The following PPP2R3A variants were observed in gnomAD, a reference collection of about 807,000 sequenced individuals.
PPP2R3A encodes protein phosphatase 2 regulatory subunit B''alpha.
PPP2R3A carries 80 observed loss-of-function variants against 106.9 expected under a neutral mutation model. The ratio of observed to expected loss-of-function variants is 0.75; its 90% confidence interval spans 0.62 to 0.90. The LOEUF (loss-of-function observed/expected upper bound fraction) is 0.90. Among genes scored for constraint, PPP2R3A ranks in the 40% least tolerant of loss-of-function variants. PPP2R3A has a pLI of 0.00. For synonymous variants in PPP2R3A, 483 were observed against 468.3 expected, an observed-to-expected ratio of 1.03 and a Z score of -0.41; for missense variants, 1,386 against 1,350.4, an observed-to-expected ratio of 1.03 and a Z score of -0.41.
At chr3:136,050,583 G>T (rs1475339576) in intron 5 of PPP2R3A, among the ~76,000 whole-genome samples, 1 of 152,154 alleles carries the variant, frequency 6.6e-6, no homozygotes, top group Non-Finnish European at 1.5e-5. Flanking sequence ...CTTTGGTGAA[G>T]ATACCCATGG....
At position 136,070,568 on chromosome 3, in the gene PPP2R3A, T is replaced by G. The variant is rs1936398944; in HGVS notation, c.2544+16T>G. The G allele has an allele frequency of 6.3e-7, 1 of 1,589,634 alleles. No homozygotes were observed. Among genetic ancestry groups the G allele is most frequent in the South Asian group, 1.1e-5 (1 of 87,570 alleles). ...CATCACCACGGTAGGCTGAGTCATCTTTTTTCTTAATATAACTCCATAAGT... is the reference window on the plus strand; with the variant it reads ...CATCACCACGGTAGGCTGAGTCATCGTTTTTCTTAATATAACTCCATAAGT... On this transcript the variant is annotated intron_variant, in intron 6 of 13. Coordinates refer to ENST00000264977, the MANE Select transcript of PPP2R3A (RefSeq NM_002718.5).
intron 1 of PPP2R3A, among the ~76,000 whole-genome samples, chr3:135,983,930 A>T (rs896980577): frequency 6.6e-6 from 1 of 151,878 alleles, no homozygotes; most frequent in South Asian, 2.1e-4. Context: ...TGTAAATTTT[A>T]CTCCATTAAC....
intron 13 of PPP2R3A, among the ~76,000 whole-genome samples, chr3:136,136,072 A>AAAAT (rs1938608615): frequency 3.6e-5 from 1 of 27,670 alleles, no homozygotes; most frequent in Non-Finnish European, 1.7e-4. Flanking sequence ...AAAAAAAAAA[A>AAAAT]ATTATATATA....
intron 8 of PPP2R3A, among the ~76,000 whole-genome samples, chr3:136,082,746 ATATG>A (rs1002657916): frequency 6.6e-6 from 1 of 152,208 alleles, no homozygotes; most frequent in African/African-American, 2.4e-5. Context: ...TTGAAAGAGA[ATATG>A]TATACACCTT....
In PPP2R3A at chr3:136,002,263, G is replaced by T; in HGVS notation, c.765G>T (p.Lys255Asn). 1 of 1,613,694 alleles carries T rather than the reference G, an allele frequency of 6.2e-7. No homozygotes were observed. Among genetic ancestry groups the T allele is most frequent in the Non-Finnish European group, 8.5e-7 (1 of 1,179,878 alleles). Reference protein sequence around the residue: ...KCTDIIKQCIKKKSGSSISEG... With the variant: ...KCTDIIKQCINKKSGSSISEG... ...CAGACATCATAAAACAATGCATAAA[G>T]AAAAAATCAGGGAGTAGCATCAGTG... Residue 255 changes from lysine to asparagine, a missense_variant, in exon 2 of 14, where the codon AAG becomes AAT. Coordinates refer to ENST00000264977, the MANE Select transcript of PPP2R3A (RefSeq NM_002718.5).
intron 2 of PPP2R3A, among the ~76,000 whole-genome samples, chr3:136,004,594 T>C (rs1050772744): frequency 2.6e-5 from 4 of 152,194 alleles, no homozygotes; most frequent in African/African-American, 7.2e-5. Context: ...TGTATCAACA[T>C]GTATGAATTC....
chr3:136,026,226 T>C (rs754842788), intron 2 of PPP2R3A, among the ~76,000 whole-genome samples: 10 of 152,210 alleles, frequency 6.6e-5, no homozygotes, highest in Non-Finnish European at 1.2e-4. Context: ...TTGCAGAAAA[T>C]GGCGTGGCCC....
chr3:136,120,902 G>A lies in PPP2R3A; in HGVS notation c.3329+14580G>A, dbSNP rs188871912. Among the ~76,000 whole-genome samples, 3 of 152,146 alleles carry A rather than the reference G, an allele frequency of 2.0e-5. No individual in the cohort carries two copies. In the East Asian group the frequency reaches 5.8e-4, roughly 29 times the overall value. On this transcript the variant is annotated intron_variant, in intron 13 of 13. Transcript: ENST00000264977. Reference sequence around the variant, plus strand: ...GATACTATCTCACACCAGTCAGAAGGGCTATTCTTAAAAAGTTAAAAAAAA... The same window carrying A: ...GATACTATCTCACACCAGTCAGAAGAGCTATTCTTAAAAAGTTAAAAAAAA...
intron 2 of PPP2R3A, among the ~76,000 whole-genome samples, chr3:136,018,400 A>C (rs1934350153): frequency 6.6e-6 from 1 of 152,234 alleles, no homozygotes; most frequent in South Asian, 2.1e-4. Context: ...TGTCCTGTGT[A>C]ATCAACCCAT....
chr3:135,967,661 C>T (rs2107740644), intron 1 of PPP2R3A, among the ~76,000 whole-genome samples: 1 of 152,296 alleles, frequency 6.6e-6, no homozygotes. Context: ...GATCTGGCCC[C>T]TGTTACCTTT....
At chr3:136,012,225 A>C (rs564444434) in intron 2 of PPP2R3A, among the ~76,000 whole-genome samples, 1 of 152,334 alleles carries the variant, frequency 6.6e-6, no homozygotes, top group East Asian at 1.9e-4. Flanking sequence ...AAGCAGACTA[A>C]GAAGTACAGA....
intron 10 of PPP2R3A, among the ~76,000 whole-genome samples, chr3:136,094,632 A>G (rs2107953433): frequency 6.6e-6 from 1 of 152,338 alleles, no homozygotes; most frequent in East Asian, 1.9e-4. Context: ...CCTCAATGAA[A>G]TGGACCAATT....
intron 1 of PPP2R3A, among the ~76,000 whole-genome samples, chr3:135,988,068 C>T (rs932194659): frequency 6.6e-6 from 1 of 152,026 alleles, no homozygotes; most frequent in Non-Finnish European, 1.5e-5. Flanking sequence ...CTCTAGCAGC[C>T]CTCTGGACAC....
intron 5 of PPP2R3A, chr3:136,055,696 A>G: frequency 2.3e-6 from 2 of 863,216 alleles, no homozygotes; most frequent in East Asian, 2.4e-5. Flanking sequence ...TTTGCACCCT[A>G]AGACTCTGGA....
rs981538673 is a variant in PPP2R3A, at chr3:136,145,075, C to T, written c.3362C>T (p.Ser1121Phe). The part of the protein sequence containing the change: ...FEDYETDEPA[S>F]PSEFGNKSNK... Reference sequence around the variant, plus strand: ...GATTATGAAACAGATGAACCTGCCTCTCCCTCTGAATTTGGAAACAAAAGC... The same window carrying T: ...GATTATGAAACAGATGAACCTGCCTTTCCCTCTGAATTTGGAAACAAAAGC... Residue 1121 changes from serine to phenylalanine, a missense_variant, in exon 14 of 14, where the codon TCT becomes TTT. By Grantham distance (155) the Ser-to-Phe change is radical. Coordinates refer to ENST00000264977, the MANE Select transcript of PPP2R3A (RefSeq NM_002718.5). 2 of 1,613,432 alleles carry T rather than the reference C, an allele frequency of 1.2e-6. No homozygotes were observed. Among genetic ancestry groups the T allele is most frequent in the Admixed American group, 1.7e-5 (1 of 59,954 alleles).
chr3:136,096,843 T>G (rs535117918), intron 10 of PPP2R3A, among the ~76,000 whole-genome samples: 1 of 152,266 alleles, frequency 6.6e-6, no homozygotes, highest in Non-Finnish European at 1.5e-5. Context: ...TAGTCCCAGC[T>G]ACTTGGGAGG....
chr3:136,017,524 T>A (rs1187468732), intron 2 of PPP2R3A, among the ~76,000 whole-genome samples: 2 of 152,242 alleles, frequency 1.3e-5, no homozygotes, highest in Non-Finnish European at 2.9e-5. Flanking sequence ...CTGTGAACAT[T>A]TGTGTATAAG....
At position 136,135,940 on chromosome 3, in the gene PPP2R3A, G is replaced by A. The variant is rs555437769; in HGVS notation, c.3330-9103G>A. Among the ~76,000 whole-genome samples, 15 of 151,184 alleles carry A rather than the reference G, an allele frequency of 9.9e-5. No individual in the cohort carries two copies. The South Asian group carries it at 1.3e-3, about 13-fold the overall frequency. Reference sequence around the variant, plus strand: ...ATAATCCCAGCTACTTGGGAGGCTGGGGCGGGAGGATCATTTGAATGAACC... The same window carrying A: ...ATAATCCCAGCTACTTGGGAGGCTGAGGCGGGAGGATCATTTGAATGAACC... On this transcript the variant is annotated intron_variant, in intron 13 of 13. Coordinates refer to ENST00000264977, the MANE Select transcript of PPP2R3A (RefSeq NM_002718.5).
At chr3:136,140,899 C>G (rs769552849) in intron 13 of PPP2R3A, among the ~76,000 whole-genome samples, 1 of 152,210 alleles carries the variant, frequency 6.6e-6, no homozygotes, top group Non-Finnish European at 1.5e-5. Context: ...GAGCGAGACT[C>G]TGTCTCAAAA....
Sources: gnomAD v4.1 joint callset for allele counts (sites outside exome capture counted in the v4.1 genomes callset) on GRCh38, gnomAD v4.1.1 for gene constraint, MANE v1.5 for transcripts, NCBI Gene and HGNC (gene_info 2026-07-23, HGNC 2026-07-21) for gene names.